OSTN: variants seen among roughly 807,000 people sequenced by gnomAD.
OSTN encodes osteocrin.
Under a neutral mutation model 12.0 loss-of-function variants are expected in OSTN, and 9 were observed. The observed-to-expected ratio is 0.75, with a 90% confidence interval of 0.45 to 1.30. The LOEUF (loss-of-function observed/expected upper bound fraction) is 1.30. OSTN is among the 50% of genes most tolerant of loss of function. The pLI, the probability that OSTN is intolerant of heterozygous loss-of-function variation, is 0.00. For synonymous variants in OSTN, 59 were observed against 56.9 expected (o/e 1.04, Z -0.16); for missense variants, 148 against 152.3 (o/e 0.97, Z 0.15).
intron 1 of OSTN, among the ~76,000 whole-genome samples, chr3:191,208,870 A>C (rs1313632435): frequency 6.6e-6 from 1 of 152,252 alleles, no homozygotes; most frequent in Non-Finnish European, 1.5e-5. Flanking sequence ...TTAAAAAGAT[A>C]TATCAGGCCA....
chr3:191,232,096 C>T (rs969641797), intron 3 of OSTN, among the ~76,000 whole-genome samples: 1 of 151,584 alleles, frequency 6.6e-6, no homozygotes, highest in Non-Finnish European at 1.5e-5. Context: ...TTGGGGAGGC[C>T]GAGGCAGGCA....
chr3:191,248,169 A>G (rs998651493), intron 3 of OSTN, among the ~76,000 whole-genome samples: 3 of 152,124 alleles, frequency 2.0e-5, no homozygotes, highest in African/African-American at 7.2e-5. Flanking sequence ...CTTCATAGTA[A>G]TATCAGGAGC....
intron 1 of OSTN, among the ~76,000 whole-genome samples, chr3:191,210,650 A>T (rs978498033): frequency 2.6e-5 from 4 of 152,194 alleles, no homozygotes; most frequent in African/African-American, 9.6e-5. Context: ...ACATGACTCA[A>T]ATCCAATCTT....
At chr3:191,227,312 TA>T (rs5855364) in intron 3 of OSTN, among the ~76,000 whole-genome samples, 52,035 of 151,964 alleles carry the variant, frequency 0.34, 11,131 homozygotes, top group African/African-American at 0.59. Context: ...GATAGACTGG[TA>T]AAAAATGGAT....
At chr3:191,208,414 G>T (rs1281734596) in intron 1 of OSTN, among the ~76,000 whole-genome samples, 1 of 152,172 alleles carries the variant, frequency 6.6e-6, no homozygotes, top group Non-Finnish European at 1.5e-5. Flanking sequence ...CAGGGTGTTT[G>T]TTTTCATTAG....
At chr3:191,221,137 GAGA>G (rs1714752386) in intron 3 of OSTN, among the ~76,000 whole-genome samples, 1 of 152,152 alleles carries the variant, frequency 6.6e-6, no homozygotes, top group Admixed American at 6.5e-5. Context: ...CCACCATGTG[GAGA>G]AGGACATGTT....
At chr3:191,214,312 G>A (rs1389399202) in intron 2 of OSTN, among the ~76,000 whole-genome samples, 1 of 151,830 alleles carries the variant, frequency 6.6e-6, no homozygotes, top group African/African-American at 2.4e-5. Flanking sequence ...GCTGGGGGTA[G>A]TGGTGGGCGC....
intron 3 of OSTN, among the ~76,000 whole-genome samples, chr3:191,233,954 T>C (rs1246387331): frequency 6.6e-6 from 1 of 150,942 alleles, no homozygotes; most frequent in Admixed American, 6.6e-5. Flanking sequence ...ATCACACCAT[T>C]ACACTCCAGC....
At chr3:191,217,237 C>T (rs918046424) in intron 2 of OSTN, 1 of 152,180 alleles carries the variant, frequency 6.6e-6, no homozygotes, top group Non-Finnish European at 1.5e-5. Flanking sequence ...TCCCAAGAAC[C>T]ACAGGAGAGA....
At chr3:191,257,076 C>T (rs1254517838) in intron 4 of OSTN, among the ~76,000 whole-genome samples, 1 of 149,364 alleles carries the variant, frequency 6.7e-6, no homozygotes, top group Non-Finnish European at 1.5e-5. Context: ...GTCCCAGCTA[C>T]TTGGGAGGCT....
chr3:191,207,824 T>C (rs1057374462), intron 1 of OSTN, among the ~76,000 whole-genome samples: 1 of 152,190 alleles, frequency 6.6e-6, no homozygotes, highest in Non-Finnish European at 1.5e-5. Context: ...TTATACCTCC[T>C]GACAAAACTT....
intron 3 of OSTN, among the ~76,000 whole-genome samples, chr3:191,219,311 A>G (rs1714703887): frequency 6.6e-6 from 1 of 152,188 alleles, no homozygotes; most frequent in Non-Finnish European, 1.5e-5. Context: ...TCCATTTACT[A>G]GAGGTAACAG....
intron 3 of OSTN, among the ~76,000 whole-genome samples, chr3:191,226,723 A>T (rs550951396): frequency 6.6e-6 from 1 of 152,320 alleles, no homozygotes; most frequent in East Asian, 1.9e-4. Context: ...AATAGACTCC[A>T]TTTCATATGC....
At chr3:191,261,309 A>G (rs1420641986) in intron 4 of OSTN, among the ~76,000 whole-genome samples, 1 of 152,206 alleles carries the variant, frequency 6.6e-6, no homozygotes, top group Non-Finnish European at 1.5e-5. Flanking sequence ...GACCCAATCT[A>G]CTAATGGTGT....
rs568135389 is a variant in OSTN at position 191,208,868 on chromosome 3, A to C, written c.1-3665A>C. Among the ~76,000 whole-genome samples the C allele has an allele frequency of 2.0e-5, 3 of 152,366 alleles. No homozygotes were observed. The South Asian group carries it at 6.2e-4, about 32-fold the overall frequency. ...TGGGACAACAATTTCTTTTAAAAAG[A>C]TATATCAGGCCAGACGTGGTGGCTC... On this transcript the variant is annotated intron_variant, in intron 1 of 4. Transcript: ENST00000682035.
chr3:191,209,658 TAA>T (rs1714368554), intron 1 of OSTN, among the ~76,000 whole-genome samples: 1 of 152,252 alleles, frequency 6.6e-6, no homozygotes, highest in African/African-American at 2.4e-5. Context: ...ATCTCCATTT[TAA>T]GTCTTAACTG....
At chr3:191,224,586 C>A (rs1161701520) in intron 3 of OSTN, among the ~76,000 whole-genome samples, 2 of 151,902 alleles carry the variant, frequency 1.3e-5, no homozygotes, top group African/African-American at 4.8e-5. Context: ...ATAAAATTTA[C>A]CATATCTTAG....
chr3:191,219,470 C>A (rs76336572), intron 3 of OSTN, among the ~76,000 whole-genome samples: 4,187 of 152,230 alleles, frequency 0.028, 208 homozygotes, highest in East Asian at 0.22. Flanking sequence ...GTATCTTATC[C>A]TCTCTGATCC....
chr3:191,265,256 A>G lies in OSTN; in HGVS notation c.*2403A>G, dbSNP rs937688225. The G allele has an allele frequency of 5.3e-5, 8 of 152,178 alleles. No homozygotes were observed. The highest frequency in any genetic ancestry group is 1.0e-4 in the Non-Finnish European group (7 of 68,000). 9.4% of individuals were successfully genotyped at this position (152,178 alleles called of 1,614,324 possible). On this transcript the variant is annotated 3_prime_UTR_variant, in exon 5 of 5. Coordinates refer to ENST00000682035, the MANE Select transcript of OSTN (RefSeq NM_198184.2). ...TTGTTTTGTTTCAAAATAATGCATT[A>G]CTTTTTTCTCTTTGCTTCTGTATGA...
Sources: gnomAD v4.1 joint callset for allele counts (sites outside exome capture counted in the v4.1 genomes callset) on GRCh38, gnomAD v4.1.1 for gene constraint, MANE v1.5 for transcripts, NCBI Gene and HGNC (gene_info 2026-07-23, HGNC 2026-07-21) for gene names.